OPA1: variants seen among roughly 807,000 people sequenced by gnomAD.
OPA1 encodes the protein dynamin-like GTPase OPA1, mitochondrial.
Under a neutral mutation model 152.9 loss-of-function variants are expected in OPA1, and 59 were observed. The ratio of observed to expected loss-of-function variants is 0.39; its 90% CI spans 0.31 to 0.48. OPA1 has a LOEUF of 0.48. OPA1 is among the 20% of genes least tolerant of loss of function. The pLI is 0.96. For synonymous variants in OPA1, 400 were observed against 389.9 expected, an observed-to-expected ratio of 1.03 and a Z score of -0.31; for missense variants, 1,008 against 1,216.8, an observed-to-expected ratio of 0.83 and a Z score of 2.55.
intron 1 of OPA1, among the ~76,000 whole-genome samples, chr3:193,604,465 G>A: frequency 6.6e-6 from 1 of 152,328 alleles, no homozygotes; most frequent in East Asian, 1.9e-4. Context: ...TCTTTTGGTT[G>A]CAGGTCGAGG....
chr3:193,675,345 A>C (rs986285058), intron 29 of OPA1, among the ~76,000 whole-genome samples: 2 of 147,280 alleles, frequency 1.4e-5, no homozygotes, highest in Non-Finnish European at 3.0e-5. Context: ...AAAAAAAAAA[A>C]AAAAACACCC....
chr3:193,610,919 C>T (rs139516140), intron 1 of OPA1, among the ~76,000 whole-genome samples: 1,923 of 152,296 alleles, frequency 0.013, 47 homozygotes, highest in African/African-American at 0.045. Context: ...ACCCAATTTT[C>T]CAGGTGCTGT....
rs367759804 is a variant in OPA1, at chr3:193,605,553, A to G, written c.33-9170A>G. Among the ~76,000 whole-genome samples, 19 of 152,326 alleles carry G rather than the reference A, an allele frequency of 1.2e-4. No homozygotes were observed. In the East Asian group the frequency reaches 2.9e-3, roughly 23 times the overall value. ...TCCTATATCAGTTGGGAAGAGGCCCATAAACATTAGGTGTTTTCGAAAGAT... is the reference window on the plus strand; with the variant it reads ...TCCTATATCAGTTGGGAAGAGGCCCGTAAACATTAGGTGTTTTCGAAAGAT... On this transcript the variant is annotated intron_variant, in intron 1 of 30. Transcript: ENST00000361510.
At chr3:193,685,381 C>T (rs539397209) in intron 29 of OPA1, among the ~76,000 whole-genome samples, 1 of 151,866 alleles carries the variant, frequency 6.6e-6, no homozygotes, top group Admixed American at 6.6e-5. Flanking sequence ...TGTAATTTAC[C>T]TCACAGACTT....
chr3:193,680,945 C>T (rs1230454616), intron 29 of OPA1, among the ~76,000 whole-genome samples: 1 of 151,928 alleles, frequency 6.6e-6, no homozygotes, highest in Non-Finnish European at 1.5e-5. Flanking sequence ...TGTGGAGCAT[C>T]TTATGTATTG....
chr3:193,676,955 T>A (rs1438888514), intron 29 of OPA1, among the ~76,000 whole-genome samples: 2 of 120,010 alleles, frequency 1.7e-5, no homozygotes, highest in African/African-American at 3.3e-5. Flanking sequence ...CACTCCAGCC[T>A]GGGTGACAGA....
At chr3:193,687,540 CATA>C (rs1461560143) in intron 29 of OPA1, among the ~76,000 whole-genome samples, 10 of 152,082 alleles carry the variant, frequency 6.6e-5, no homozygotes, top group African/African-American at 2.4e-4. Flanking sequence ...CATGCTGATC[CATA>C]CACGTATTTC....
At chr3:193,684,609 C>G (rs1222706397) in intron 29 of OPA1, among the ~76,000 whole-genome samples, 2 of 152,028 alleles carry the variant, frequency 1.3e-5, no homozygotes, top group African/African-American at 2.4e-5. Context: ...CGCCACTACG[C>G]CCGGCTAATT....
At position 193,596,197 on chromosome 3, in the gene OPA1, C is replaced by CTT. The variant is rs558965633; in HGVS notation, c.32+2807_32+2808dup. Among the ~76,000 whole-genome samples the CTT allele has an allele frequency of 3.8e-3, 404 of 106,530 alleles. 8 individuals are homozygous for CTT. Among genetic ancestry groups the CTT allele is most frequent in the African/African-American group, 0.012 (310 of 26,488 alleles). 69.9% of individuals were successfully genotyped at this position (106,530 alleles called of 152,430 possible). The stretch of plus-strand genomic sequence containing the variant: ...TTAACTTTCCTCTTATGTTTTTCAC[C>CTT]TTTTTTTTTTTTTTTTTTTTGCATT... On this transcript the variant is annotated intron_variant, in intron 1 of 30. Transcript: ENST00000361510.
Position 193,658,950 on chromosome 3 carries a change from G to A in OPA1, c.2395G>A (p.Ala799Thr), listed in dbSNP as rs2109186848. The A allele has an allele frequency of 6.2e-7, 1 of 1,613,910 alleles. No individual in the cohort carries two copies. Among genetic ancestry groups the A allele is most frequent in the Non-Finnish European group, 8.5e-7 (1 of 1,179,852 alleles). Residue 799 changes from alanine (A) to threonine (T), a missense_variant, in exon 24 of 31, where the codon GCT becomes ACT. By Grantham distance (58) the Ala-to-Thr change is moderately conservative. Around this residue, in one of 7 missense-constraint regions of OPA1, gnomAD observed 229 missense variants for 269.0 expected, o/e 0.85. Transcript: ENST00000361510. ...ATCTGATAAACAGCAATGGGATGCAGCTATTTATTTTATGGAAGAGGCTCT... is the reference window on the plus strand; with the variant it reads ...ATCTGATAAACAGCAATGGGATGCAACTATTTATTTTATGGAAGAGGCTCT... The part of the protein sequence containing the change: ...SISDKQQWDA[A>T]IYFMEEALQA...
At chr3:193,648,364 GT>G in intron 20 of OPA1, 1 of 456,774 alleles carries the variant, frequency 2.2e-6, no homozygotes, top group South Asian at 2.7e-5. Context: ...TGTTGAAAGT[GT>G]TTTCTGAGAA....
intron 1 of OPA1, among the ~76,000 whole-genome samples, chr3:193,613,463 G>A (rs1340370402): frequency 6.6e-6 from 1 of 152,104 alleles, no homozygotes; most frequent in East Asian, 1.9e-4. Context: ...GTAATGTCTG[G>A]TATGTATAGG....
chr3:193,632,025 CCTTTA>C (rs1316630512), intron 8 of OPA1, among the ~76,000 whole-genome samples: 3 of 152,162 alleles, frequency 2.0e-5, no homozygotes, highest in African/African-American at 7.2e-5. Context: ...CTCTCAGGAA[CCTTTA>C]CTTTGCTTCG....
intron 6 of OPA1, among the ~76,000 whole-genome samples, chr3:193,623,716 A>T (rs529051734): frequency 6.6e-6 from 1 of 152,154 alleles, no homozygotes; most frequent in Admixed American, 6.5e-5. Context: ...AAAATGTCTA[A>T]GCTTGGGAAA....
chr3:193,659,400 T>C, intron 24 of OPA1, 82 bp from the exon 25 acceptor site: 1 of 1,232,892 alleles, frequency 8.1e-7, no homozygotes, highest in Non-Finnish European at 1.2e-6. Context: ...TTTGAAATAG[T>C]TAAGAAAGCA....
At chr3:193,598,269 G>A (rs1453478283) in intron 1 of OPA1, among the ~76,000 whole-genome samples, 3 of 152,172 alleles carry the variant, frequency 2.0e-5, no homozygotes, top group African/African-American at 7.2e-5. Flanking sequence ...AACAGTTTTT[G>A]TATGAGGAAG....
At chr3:193,616,846 C>G (rs908507318) in intron 3 of OPA1, among the ~76,000 whole-genome samples, 9 of 152,136 alleles carry the variant, frequency 5.9e-5, no homozygotes, top group Non-Finnish European at 1.3e-4. Context: ...TAAAACTGTT[C>G]TATGTTGACG....
intron 25 of OPA1, among the ~76,000 whole-genome samples, chr3:193,659,972 C>G (rs1371930677): frequency 2.0e-5 from 3 of 151,960 alleles, no homozygotes; most frequent in African/African-American, 7.3e-5. Flanking sequence ...ATAGCAAGAC[C>G]TCCTCTTTAC....
At chr3:193,608,292 G>A (rs868451367) in intron 1 of OPA1, among the ~76,000 whole-genome samples, 12 of 152,086 alleles carry the variant, frequency 7.9e-5, no homozygotes, top group South Asian at 4.1e-4. Flanking sequence ...TAATTGTGAC[G>A]TTAGGGTGTC....
Sources: allele counts gnomAD v4.1 joint callset (sites outside exome capture counted in the v4.1 genomes callset), GRCh38; gene constraint gnomAD v4.1.1; regional missense constraint gnomAD v4.1.1; transcripts MANE v1.5; gene names NCBI Gene and HGNC (gene_info 2026-07-23, HGNC 2026-07-21).